THSD1: variants seen among roughly 807,000 people sequenced by gnomAD.
THSD1 encodes the protein thrombospondin type 1 domain containing 1, also known as thrombospondin type-1 domain-containing protein 1.
THSD1 carries 34 observed loss-of-function variants against 46.3 expected under a neutral mutation model. The ratio of observed to expected loss-of-function variants is 0.74; its 90% CI spans 0.56 to 0.98. The LOEUF is 0.98. THSD1 is among the 50% of genes least tolerant of loss of function. The probability of loss-of-function intolerance (pLI) is 0.00; values close to 1 mark genes in which losing one functional copy is unlikely to be tolerated. For synonymous variants in THSD1, 407 were observed against 416.5 expected (o/e 0.98, Z 0.28); for missense variants, 1,023 against 1,058.3 (o/e 0.97, Z 0.46).
In THSD1 at chr13:52,378,774, C is replaced by T. The variant is rs2137721997; in HGVS notation, c.1196G>A (p.Ser399Asn). The change falls in exon 5 of 5, where the codon AGC (serine) becomes AAC (asparagine). Residue 399 changes from serine to asparagine, a missense_variant. Around this residue, in one of 3 missense-constraint regions of THSD1, gnomAD observed 429 missense variants for 518.3 expected, o/e 0.83. Coordinates refer to ENST00000258613, the MANE Select transcript of THSD1 (RefSeq NM_018676.4). ...ACCCTGGGGCTGAAGAGGAGATGGG[C>T]TGGATGGCTGGAAAGCTGCAAAAAA... ...LEECAAFQPS[S>N]PSPLQPQGPV... 1 of 1,582,356 alleles carries T rather than the reference C, an allele frequency of 6.3e-7. No homozygotes were observed. The highest frequency in any genetic ancestry group is 1.1e-5 in the South Asian group (1 of 87,552).
intron 3 of THSD1, among the ~76,000 whole-genome samples, chr13:52,395,636 G>A (rs774195246): frequency 1.3e-5 from 2 of 152,266 alleles, no homozygotes; most frequent in Admixed American, 1.3e-4. Flanking sequence ...AGCACTTAAC[G>A]GAGATAGGCA....
intron 1 of THSD1, among the ~76,000 whole-genome samples, chr13:52,404,337 G>A (rs986647695): frequency 6.6e-6 from 1 of 152,146 alleles, no homozygotes; most frequent in African/African-American, 2.4e-5. Flanking sequence ...GAATTAAGAA[G>A]ACTGATTGAA....
At chr13:52,381,536 G>A (rs1957692350) in intron 4 of THSD1, among the ~76,000 whole-genome samples, 1 of 152,238 alleles carries the variant, frequency 6.6e-6, no homozygotes, top group African/African-American at 2.4e-5. Flanking sequence ...GCAAGTACAT[G>A]CCCAGCTTCT....
chr13:52,390,140 CAAA>C (rs71769281), intron 3 of THSD1, among the ~76,000 whole-genome samples: 1 of 138,364 alleles, frequency 7.2e-6, no homozygotes, highest in African/African-American at 2.8e-5. Context: ...GACATTGTCT[CAAA>C]AAAAAAAAAA....
At chr13:52,380,996 C>A (rs553522273) in intron 4 of THSD1, among the ~76,000 whole-genome samples, 1 of 152,234 alleles carries the variant, frequency 6.6e-6, no homozygotes, top group South Asian at 2.1e-4. Flanking sequence ...GTCCATCCAA[C>A]ATATAGTACC....
At chr13:52,403,043 G>T in intron 1 of THSD1, 1 of 729,682 alleles carries the variant, frequency 1.4e-6, no homozygotes. Flanking sequence ...TATCTGCTTG[G>T]CATTTCACAC....
chr13:52,386,332 G>C (rs1957730403), intron 3 of THSD1, 146 bp from the exon 4 acceptor site: 2 of 783,172 alleles, frequency 2.6e-6, no homozygotes, highest in Admixed American at 5.7e-5. Context: ...AAGCTGAAAA[G>C]AGTTGCTCCT....
intron 3 of THSD1, among the ~76,000 whole-genome samples, chr13:52,389,913 G>A (rs766509545): frequency 1.2e-4 from 19 of 152,166 alleles, no homozygotes; most frequent in African/African-American, 3.9e-4. Context: ...GCCAAGGCAG[G>A]TGGATCACTT....
At chr13:52,387,235 C>CA (rs991593389) in intron 3 of THSD1, among the ~76,000 whole-genome samples, 13 of 152,088 alleles carry the variant, frequency 8.5e-5, no homozygotes, top group African/African-American at 3.1e-4. Flanking sequence ...AAATAACACT[C>CA]AAAAAATGTC....
In THSD1 at chr13:52,382,859, G is replaced by A. The variant is rs188740182; in HGVS notation, c.1180+3169C>T. ...CTACTAAAAATACAAAAACTTAGCC[G>A]GGTGTGGTGGTGTGCACCTGTAGTC... On this transcript the variant is annotated intron_variant, in intron 4 of 4. Transcript: ENST00000258613. Among the ~76,000 whole-genome samples the A allele has an allele frequency of 3.3e-5, 5 of 152,044 alleles. No homozygotes were observed. In the East Asian group the frequency reaches 7.7e-4, roughly 23 times the overall value.
At chr13:52,382,056 C>T (rs1957697276) in intron 4 of THSD1, among the ~76,000 whole-genome samples, 1 of 152,224 alleles carries the variant, frequency 6.6e-6, no homozygotes, top group South Asian at 2.1e-4. Context: ...AGAACATTCA[C>T]TTATGTAATT....
At chr13:52,401,595 G>A (rs138896817) in intron 2 of THSD1, among the ~76,000 whole-genome samples, 34 of 152,222 alleles carry the variant, frequency 2.2e-4, no homozygotes, top group East Asian at 1.5e-3. Flanking sequence ...CACCGCGCCC[G>A]GCCAAATTAC....
intron 3 of THSD1, among the ~76,000 whole-genome samples, chr13:52,390,663 T>C (rs968890230): frequency 6.6e-6 from 1 of 152,202 alleles, no homozygotes; most frequent in Non-Finnish European, 1.5e-5. Flanking sequence ...CTCTGAGTTA[T>C]AGTATTGTGA....
In THSD1 at chr13:52,378,146, A is replaced by T. The variant is rs1188762199; in HGVS notation, c.1824T>A (p.Asp608Glu). ...SAGERPPSRL[D>E]LNVTQASCAI... ...CACAACTGGCCTGAGTCACATTTAG[A>T]TCCAGCCTGGAGGGAGGCCTTTCCC... is the stretch of plus-strand genomic sequence containing the variant. The change falls in exon 5 of 5, where the codon GAT (aspartate) becomes GAA (glutamate). Residue 608 changes from aspartate to glutamate, a missense_variant. Physicochemically the swap from Asp to Glu is conservative, Grantham distance 45. Coordinates refer to ENST00000258613, the MANE Select transcript of THSD1 (RefSeq NM_018676.4). 1.9e-6 allele frequency: 3 copies of T among 1,613,984 alleles called. No homozygotes were observed. The East Asian group carries it at 6.7e-5, about 36-fold the overall frequency.
At chr13:52,388,177 C>G (rs1235987784) in intron 3 of THSD1, among the ~76,000 whole-genome samples, 1 of 147,500 alleles carries the variant, frequency 6.8e-6, no homozygotes, top group Admixed American at 6.7e-5. Context: ...AGCTACCACC[C>G]CAGTAAAAAA....
chr13:52,399,654 G>C (rs764158983), intron 2 of THSD1, among the ~76,000 whole-genome samples: 7 of 152,202 alleles, frequency 4.6e-5, no homozygotes, highest in Non-Finnish European at 8.8e-5. Flanking sequence ...AAACTTGGAT[G>C]ACTTGAATGC....
Position 52,377,315 on chromosome 13 carries a change from C to T in THSD1, c.*96G>A. ...CATCCTCCTCTGTGTGTTACTTCCT[C>T]CTCACATTCTGTCCTACGGTACAAA... On this transcript the variant is annotated 3_prime_UTR_variant, in exon 5 of 5. Transcript: ENST00000258613. 1 of 1,412,324 alleles carries T rather than the reference C, an allele frequency of 7.1e-7. No individual in the cohort carries two copies. Among genetic ancestry groups the T allele is most frequent in the Admixed American group, 3.0e-5 (1 of 32,804 alleles). The allele number at this position is 1,412,324 out of a possible 1,614,324, so 87.5% of individuals were successfully genotyped here.
chr13:52,379,107 C>A (rs144011193), intron 4 of THSD1, among the ~76,000 whole-genome samples: 1,868 of 152,168 alleles, frequency 0.012, 37 homozygotes, highest in African/African-American at 0.042. Flanking sequence ...TGTGATCCAC[C>A]CGCCTTGGCC....
At chr13:52,380,963 T>A (rs545995216) in intron 4 of THSD1, among the ~76,000 whole-genome samples, 1 of 152,268 alleles carries the variant, frequency 6.6e-6, no homozygotes, top group East Asian at 1.9e-4. Flanking sequence ...ATGCCAGAGC[T>A]AGGACCATCC....
Sources: gnomAD v4.1 joint callset for allele counts (sites outside exome capture counted in the v4.1 genomes callset) on GRCh38, gnomAD v4.1.1 for gene constraint, gnomAD v4.1.1 regional missense constraint, MANE v1.5 for transcripts, NCBI Gene and HGNC (gene_info 2026-07-23, HGNC 2026-07-21) for gene names.